The following PDGFC variants were observed in gnomAD, a reference collection of about 807,000 sequenced individuals.
PDGFC encodes the protein platelet derived growth factor C.
A neutral mutation model predicts 35.5 loss-of-function variants in PDGFC; 12 were observed. The ratio of observed to expected loss-of-function variants is 0.34; its 90% CI spans 0.22 to 0.55. The LOEUF (loss-of-function observed/expected upper bound fraction) is 0.55, where lower values mean the gene tolerates loss of function less well. Ranked by LOEUF, PDGFC falls within the 20% of genes least tolerant of loss-of-function variation. PDGFC has a pLI of 0.91. For synonymous variants in PDGFC, 159 were observed against 148.8 expected (o/e 1.07, Z -0.50); for missense variants, 322 against 412.4 (o/e 0.78, Z 1.90).
intron 2 of PDGFC, among the ~76,000 whole-genome samples, chr4:156,829,897 T>C (rs1308190822): frequency 2.0e-5 from 3 of 152,122 alleles, no homozygotes; most frequent in South Asian, 4.1e-4. Context: ...ATTAATCTTA[T>C]AGACAACAAA....
chr4:156,934,315 C>T (rs966912350), intron 1 of PDGFC, among the ~76,000 whole-genome samples: 5 of 152,122 alleles, frequency 3.3e-5, no homozygotes, highest in African/African-American at 1.2e-4. Context: ...AATTGTAATA[C>T]AACGGTAAGT....
chr4:156,908,050 C>T (rs980907744), intron 1 of PDGFC, among the ~76,000 whole-genome samples: 1 of 152,132 alleles, frequency 6.6e-6, no homozygotes, highest in Non-Finnish European at 1.5e-5. Context: ...ACCTTAGTCA[C>T]AGTTACTTGG....
At chr4:156,811,046 C>A in intron 2 of PDGFC, 29 bp from the exon 3 acceptor site, 2 of 1,445,652 alleles carry the variant, frequency 1.4e-6, no homozygotes, top group South Asian at 1.3e-5. Context: ...AAAGAGACAT[C>A]ATTTCATAAT....
intron 3 of PDGFC, among the ~76,000 whole-genome samples, chr4:156,806,708 G>A (rs2110931685): frequency 6.6e-6 from 1 of 152,100 alleles, no homozygotes; most frequent in South Asian, 2.1e-4. Flanking sequence ...TTTACTTTTA[G>A]AACTGAGAAA....
chr4:156,769,246 A>T (rs1023929142), intron 4 of PDGFC, among the ~76,000 whole-genome samples: 1 of 151,246 alleles, frequency 6.6e-6, no homozygotes, highest in African/African-American at 2.4e-5. Context: ...AGTAGAAATA[A>T]TCACGATGTA....
intron 1 of PDGFC, among the ~76,000 whole-genome samples, chr4:156,909,016 C>T (rs753878900): frequency 1.3e-5 from 2 of 152,004 alleles, no homozygotes; most frequent in Admixed American, 6.6e-5. Context: ...GTTTGTAAAA[C>T]GTACAGAATA....
intron 4 of PDGFC, among the ~76,000 whole-genome samples, chr4:156,771,306 C>A (rs550918493): frequency 2.6e-5 from 4 of 152,226 alleles, no homozygotes; most frequent in Admixed American, 2.6e-4. Context: ...CAGTTTAGAA[C>A]CTGATTCACT....
At chr4:156,813,359 G>A (rs1447669714) in intron 2 of PDGFC, among the ~76,000 whole-genome samples, 1 of 152,020 alleles carries the variant, frequency 6.6e-6, no homozygotes, top group African/African-American at 2.4e-5. Context: ...CATAACTAAA[G>A]CTTTTTTTGG....
Position 156,815,366 on chromosome 4 carries a change from ACC to A in PDGFC, c.315-4351_315-4350del, listed in dbSNP as rs1491232581. 3.8e-5 allele frequency among the ~76,000 whole-genome samples: 5 copies of A among 132,744 alleles called. No homozygotes were observed. The East Asian group carries it at 1.1e-3, about 29-fold the overall frequency. 87.1% of individuals were successfully genotyped at this position (132,744 alleles called of 152,430 possible). ...CACACACACACACACACACACACAC[ACC>A]CCGTTGTCACTTCATTCCATATTTC... On this transcript the variant is annotated intron_variant, in intron 2 of 5. Coordinates refer to ENST00000502773, the MANE Select transcript of PDGFC (RefSeq NM_016205.3).
chr4:156,810,767 A>C, intron 3 of PDGFC, 70 bp downstream of exon 3: 2 of 960,158 alleles, frequency 2.1e-6, no homozygotes, highest in Non-Finnish European at 3.2e-6. Flanking sequence ...TCTCATGTGT[A>C]AGAGGAGAAA....
At chr4:156,954,697 T>C (rs1732165428) in intron 1 of PDGFC, among the ~76,000 whole-genome samples, 1 of 152,054 alleles carries the variant, frequency 6.6e-6, no homozygotes, top group South Asian at 2.1e-4. Flanking sequence ...TCATGTTCTT[T>C]GTGCATTCAT....
At chr4:156,818,516 GT>G (rs35714916) in intron 2 of PDGFC, among the ~76,000 whole-genome samples, 276 of 98,892 alleles carry the variant, frequency 2.8e-3, no homozygotes, top group African/African-American at 8.7e-3. Context: ...CTTTCTAGCT[GT>G]TTTTTTTTTT....
intron 2 of PDGFC, among the ~76,000 whole-genome samples, chr4:156,817,626 CTCTTT>C (rs1228600910): frequency 2.6e-5 from 4 of 152,138 alleles, no homozygotes; most frequent in Non-Finnish European, 4.4e-5. Flanking sequence ...GTCTCCCTCT[CTCTTT>C]TAAGAAAAAA....
rs186445345 is a variant in PDGFC at position 156,921,857 on chromosome 4, C to G, written c.118+48929G>C. Among the ~76,000 whole-genome samples, 21 of 152,190 alleles carry G rather than the reference C, an allele frequency of 1.4e-4. No homozygotes were observed. In the East Asian group the frequency reaches 4.1e-3, roughly 29 times the overall value. On this transcript the variant is annotated intron_variant, in intron 1 of 5. Coordinates refer to ENST00000502773, the MANE Select transcript of PDGFC (RefSeq NM_016205.3). ...GCTGCCTTGTCAATATTCTTCCCTC[C>G]TCAGCAGCTATTCCCACACTTCTCA...
chr4:156,774,970 A>T (rs916043113), intron 3 of PDGFC, among the ~76,000 whole-genome samples: 1 of 152,192 alleles, frequency 6.6e-6, no homozygotes, highest in African/African-American at 2.4e-5. Context: ...CTTAATTTCA[A>T]TAATGTCAAG....
At chr4:156,889,977 C>T (rs1159145334) in intron 1 of PDGFC, among the ~76,000 whole-genome samples, 6 of 152,086 alleles carry the variant, frequency 3.9e-5, no homozygotes, top group South Asian at 2.1e-4. Flanking sequence ...GACTCATTGA[C>T]GATTATTTTT....
At chr4:156,933,477 C>T (rs959663364) in intron 1 of PDGFC, among the ~76,000 whole-genome samples, 1 of 152,124 alleles carries the variant, frequency 6.6e-6, no homozygotes, top group African/African-American at 2.4e-5. Context: ...GTTCCAACTC[C>T]CAAACTGTAA....
intron 2 of PDGFC, among the ~76,000 whole-genome samples, chr4:156,813,360 CTT>C (rs548133714): frequency 6.6e-6 from 1 of 151,962 alleles, no homozygotes; most frequent in African/African-American, 2.4e-5. Flanking sequence ...ATAACTAAAG[CTT>C]TTTTTGGGTT....
At chr4:156,845,337 A>G (rs1729300821) in intron 2 of PDGFC, among the ~76,000 whole-genome samples, 1 of 151,778 alleles carries the variant, frequency 6.6e-6, no homozygotes, top group Non-Finnish European at 1.5e-5. Context: ...GTACTTCATA[A>G]CAGAAGAGAA....
Sources: gnomAD v4.1 joint callset for allele counts (sites outside exome capture counted in the v4.1 genomes callset) on GRCh38, gnomAD v4.1.1 for gene constraint, MANE v1.5 for transcripts, NCBI Gene and HGNC (gene_info 2026-07-23, HGNC 2026-07-21) for gene names.